Variants in TSKU observed in about 807,000 individuals in gnomAD.
TSKU encodes tsukushi, small leucine rich proteoglycan.
In TSKU, 4 loss-of-function variants were observed where a neutral mutation model predicts 11.2. The observed-to-expected ratio is 0.36, with a 90% CI of 0.18 to 0.82. The LOEUF (loss-of-function observed/expected upper bound fraction) is 0.82. TSKU is among the 40% of genes least tolerant of loss of function. TSKU has a pLI of 0.50. For missense variants in TSKU, 407 were observed against 482.5 expected, an observed-to-expected ratio of 0.84 and a Z score of 1.47; for synonymous variants, 220 against 232.2, an observed-to-expected ratio of 0.95 and a Z score of 0.48.
rs2134408515 is a variant in TSKU, at chr11:76,796,651, T to C, written c.1035T>C (p.Ser345=). Residue 345 remains serine, a synonymous_variant, in exon 2 of 2, where the codon TCT becomes TCC. Transcript: ENST00000333090. This position sits in a 1 kb window ranked among gnomAD's most constrained non-coding sequence, Gnocchi z 4.1. The part of the protein sequence containing the change: ...VALHCVDTRD[S]AARGPTIL ...TGCACTGCGTAGACACCCGGGATTC[T>C]GCTGCCAGGGGCCCCACCATCTTGT... 1 of 1,450,302 alleles carries C rather than the reference T, an allele frequency of 6.9e-7. No homozygotes were observed. The highest frequency in any genetic ancestry group is 1.5e-5 in the South Asian group (1 of 68,048). The allele number at this position is 1,450,302 out of a possible 1,614,324, so 89.8% of individuals were successfully genotyped here.
chr11:76,796,431 C>G lies in TSKU; in HGVS notation c.815C>G (p.Ala272Gly). 1 of 1,613,634 alleles carries G rather than the reference C, an allele frequency of 6.2e-7. No homozygotes were observed. Among genetic ancestry groups the G allele is most frequent in the Non-Finnish European group, 8.5e-7 (1 of 1,179,980 alleles). Residue 272 changes from alanine to glycine, a missense_variant, in exon 2 of 2, where the codon GCT becomes GGT. Physicochemically the swap from Ala to Gly is moderately conservative, Grantham distance 60. Coordinates refer to ENST00000333090, the MANE Select transcript of TSKU (RefSeq NM_015516.4). This position sits in a 1 kb window ranked among gnomAD's most constrained non-coding sequence, Gnocchi z 4.1. The stretch of plus-strand genomic sequence containing the variant: ...AACCCCAAGCTTAACTGGGCAGGAG[C>G]TGAGGTGTTTTCAGGCCTGAGCTCC... Reference protein sequence around the residue: ...SGNPKLNWAGAEVFSGLSSLQ... With the variant: ...SGNPKLNWAGGEVFSGLSSLQ...
chr11:76,783,985 G>T (rs1237441295), intron 1 of TSKU, among the ~76,000 whole-genome samples: 1 of 149,878 alleles, frequency 6.7e-6, no homozygotes, highest in Non-Finnish European at 1.5e-5. Flanking sequence ...AACAGCCCCA[G>T]TCCTCCCCAC....
chr11:76,784,932 T>C (rs943433134), intron 1 of TSKU, among the ~76,000 whole-genome samples: 2 of 152,198 alleles, frequency 1.3e-5, no homozygotes, highest in Non-Finnish European at 2.9e-5. Flanking sequence ...CTGTGGGCAT[T>C]TTCCTTTCCC....
Position 76,796,227 on chromosome 11 carries a change from A to C in TSKU, c.611A>C (p.Asp204Ala). 3 of 1,613,370 alleles carry C rather than the reference A, an allele frequency of 1.9e-6. No individual in the cohort carries two copies. Among genetic ancestry groups the C allele is most frequent in the Non-Finnish European group, 2.5e-6 (3 of 1,179,936 alleles). Residue 204 changes from aspartate (D) to alanine (A), a missense_variant, in exon 2 of 2, where the codon GAC (aspartate) becomes GCC (alanine). By Grantham distance (126) the Asp-to-Ala change is moderately radical (BLOSUM62 -2). Coordinates refer to ENST00000333090, the MANE Select transcript of TSKU (RefSeq NM_015516.4). The surrounding 1 kb of genome is among the most constrained non-coding windows in gnomAD (Gnocchi z 4.1). Reference protein sequence around the residue: ...NRLHAVPNLRDLPLRYLSLDG... With the variant: ...NRLHAVPNLRALPLRYLSLDG... The stretch of plus-strand genomic sequence containing the variant: ...CTCCATGCCGTGCCCAACCTCCGAG[A>C]CTTGCCCCTGCGCTACCTGAGCCTG...
intron 1 of TSKU, among the ~76,000 whole-genome samples, chr11:76,783,839 C>T (rs1273355026): frequency 6.6e-6 from 1 of 152,206 alleles, no homozygotes; most frequent in Non-Finnish European, 1.5e-5. Context: ...GTGGTCGGTG[C>T]CTGCCGACGT....
Position 76,795,858 on chromosome 11 carries a change from C to G in TSKU, c.242C>G (p.Pro81Arg), listed in dbSNP as rs761996929. 3.2e-5 allele frequency: 51 copies of G among 1,613,658 alleles called. No homozygotes were observed. In the Admixed American group the frequency reaches 7.5e-4, roughly 24 times the overall value. ...GTGAATGAGTCGGTGTTGGCGGGGCCGGGCTACACGACGTTGGCTGGCCTG... is the reference window on the plus strand; with the variant it reads ...GTGAATGAGTCGGTGTTGGCGGGGCGGGGCTACACGACGTTGGCTGGCCTG... ...EMVNESVLAG[P>R]GYTTLAGLDL... The change falls in exon 2 of 2, where the codon CCG becomes CGG. Residue 81 changes from proline (P) to arginine (R), a missense_variant. By Grantham distance (103) the Pro-to-Arg change is moderately radical. Transcript: ENST00000333090.
intron 1 of TSKU, among the ~76,000 whole-genome samples, chr11:76,789,764 CTACCAGT>C (rs1944346944): frequency 6.6e-6 from 1 of 152,346 alleles, no homozygotes; most frequent in African/African-American, 2.4e-5. Flanking sequence ...TCTTTGGTGG[CTACCAGT>C]CTTCATTTCT....
intron 1 of TSKU, among the ~76,000 whole-genome samples, chr11:76,786,878 G>A (rs527701482): frequency 3.9e-5 from 6 of 152,188 alleles, no homozygotes; most frequent in Non-Finnish European, 7.3e-5. Context: ...GGTATGTGGA[G>A]AGAGGATCCA....
chr11:76,788,927 T>A (rs1185858831), intron 1 of TSKU, among the ~76,000 whole-genome samples: 2 of 152,178 alleles, frequency 1.3e-5, no homozygotes, highest in Admixed American at 6.5e-5. Flanking sequence ...GTGGGTAGCC[T>A]GTGGGGTGAG....
chr11:76,787,903 A>G (rs1447632352), intron 1 of TSKU, among the ~76,000 whole-genome samples: 5 of 152,288 alleles, frequency 3.3e-5, no homozygotes, highest in Admixed American at 1.3e-4. Flanking sequence ...TCTGCAAAAT[A>G]GGGACAGTAT....
Position 76,795,989 on chromosome 11 carries a change from G to A in TSKU, c.373G>A (p.Ala125Thr). ...CCACAATGGCCTGACAGCCCTGCCA[G>A]CCGAGAGCTTCACCAGCTCACCCCT... Reference protein sequence around the residue: ...LSHNGLTALPAESFTSSPLSD... With the variant: ...LSHNGLTALPTESFTSSPLSD... The change falls in exon 2 of 2, where the codon GCC (alanine) becomes ACC (threonine). Residue 125 changes from alanine to threonine, a missense_variant. Transcript: ENST00000333090. The A allele has an allele frequency of 6.2e-7, 1 of 1,613,892 alleles. No homozygotes were observed. The highest frequency in any genetic ancestry group is 8.5e-7 in the Non-Finnish European group (1 of 1,180,018).
chr11:76,786,613 G>A (rs914810480), intron 1 of TSKU, among the ~76,000 whole-genome samples: 5 of 152,172 alleles, frequency 3.3e-5, no homozygotes, highest in Admixed American at 6.5e-5. Flanking sequence ...GGCCAGGAGC[G>A]AGGCTGTTGC....
chr11:76,785,296 A>T (rs1409255608), intron 1 of TSKU, among the ~76,000 whole-genome samples: 3 of 152,226 alleles, frequency 2.0e-5, no homozygotes, highest in Non-Finnish European at 4.4e-5. Context: ...CTGGGTCAAC[A>T]CAGGGGATGC....
chr11:76,791,559 A>G (rs549074011), intron 1 of TSKU, among the ~76,000 whole-genome samples: 16 of 152,230 alleles, frequency 1.1e-4, no homozygotes, highest in Non-Finnish European at 2.4e-4. Flanking sequence ...GGGCCAAGGT[A>G]CAACTCAGCC....
At chr11:76,791,623 A>G (rs1316952242) in intron 1 of TSKU, 1 of 152,278 alleles carries the variant, frequency 6.6e-6, no homozygotes, top group African/African-American at 2.4e-5. Context: ...AACCACCATC[A>G]TTCACTGACC....
chr11:76,793,629 T>C (rs143311531), intron 1 of TSKU, among the ~76,000 whole-genome samples: 1 of 152,158 alleles, frequency 6.6e-6, no homozygotes, highest in African/African-American at 2.4e-5. Context: ...CCTTTGGTGG[T>C]AATGAGCCCT....
intron 1 of TSKU, among the ~76,000 whole-genome samples, chr11:76,785,536 G>A (rs1209185675): frequency 6.6e-6 from 1 of 152,216 alleles, no homozygotes; most frequent in African/African-American, 2.4e-5. Flanking sequence ...AAAAGGATCA[G>A]CATGTGCAGG....
intron 1 of TSKU, among the ~76,000 whole-genome samples, chr11:76,789,521 A>T (rs1468768412): frequency 6.6e-6 from 1 of 152,232 alleles, no homozygotes; most frequent in Non-Finnish European, 1.5e-5. Context: ...CAGCAAACTT[A>T]GAGTCACTGT....
intron 1 of TSKU, among the ~76,000 whole-genome samples, chr11:76,794,416 T>G (rs1944414819): frequency 6.6e-6 from 1 of 152,188 alleles, no homozygotes; most frequent in Non-Finnish European, 1.5e-5. Flanking sequence ...ACAGCATGTG[T>G]CAGTGGGAAA....
Sources: gnomAD v4.1 joint callset for allele counts (sites outside exome capture counted in the v4.1 genomes callset) on GRCh38, gnomAD v4.1.1 for gene constraint, Gnocchi (gnomAD v3.1) non-coding constraint, MANE v1.5 for transcripts, NCBI Gene and HGNC (gene_info 2026-07-23, HGNC 2026-07-21) for gene names.